TCF25: variants seen among roughly 807,000 people sequenced by gnomAD.
TCF25 encodes ribosome quality control complex subunit TCF25.
Under a neutral mutation model 83.1 loss-of-function variants are expected in TCF25, and 41 were observed. The ratio of observed to expected loss-of-function variants is 0.49; its 90% CI spans 0.38 to 0.64. TCF25 has a LOEUF of 0.64. Among genes scored for constraint, TCF25 ranks in the 30% least tolerant of loss-of-function variants. TCF25 has a pLI of 0.00. For synonymous variants in TCF25, 458 were observed against 365.0 expected, an observed-to-expected ratio of 1.25 and a Z score of -2.90; for missense variants, 979 against 914.5, an observed-to-expected ratio of 1.07 and a Z score of -0.91.
chr16:89,886,421 G>A (rs1330097236), intron 4 of TCF25, among the ~76,000 whole-genome samples: 1 of 141,734 alleles, frequency 7.1e-6, no homozygotes, highest in South Asian at 2.3e-4. Context: ...CTGCGAGACT[G>A]TGTCTCAAAA....
intron 2 of TCF25, chr16:89,883,822 G>GCCGACCGCACACGTGTGTC (rs1567700366): frequency 3.7e-6 from 1 of 269,640 alleles, no homozygotes; most frequent in Admixed American, 4.5e-5. Context: ...GCACGTGTGT[G>GCCGACCGCACACGTGTGTC]CCTCCTAGCC....
At chr16:89,903,318 C>T (rs1200641600) in intron 12 of TCF25, among the ~76,000 whole-genome samples, 1 of 152,262 alleles carries the variant, frequency 6.6e-6, no homozygotes, top group Non-Finnish European at 1.5e-5. Flanking sequence ...GGCTCTTCCA[C>T]TGGGCACAGG....
rs1232659646 is a variant in TCF25, at chr16:89,884,670, G to A, written c.429+14G>A. ...GGAGAAGCATCGGTACGTGAGTTGG[G>A]CCTGGCTGTGCTCTGTCCCTCTGCC... is the stretch of plus-strand genomic sequence containing the variant. On this transcript the variant is annotated intron_variant, in intron 3 of 17. Coordinates refer to ENST00000263346, the MANE Select transcript of TCF25 (RefSeq NM_014972.3). The A allele has an allele frequency of 1.9e-6, 3 of 1,609,358 alleles. No individual in the cohort carries two copies. The highest frequency in any genetic ancestry group is 1.1e-5 in the South Asian group (1 of 90,526).
At chr16:89,891,265 C>T (rs1048556558) in intron 5 of TCF25, among the ~76,000 whole-genome samples, 1 of 152,206 alleles carries the variant, frequency 6.6e-6, no homozygotes, top group African/African-American at 2.4e-5. Flanking sequence ...GGATTCTGTA[C>T]ATCTGGCCCA....
At chr16:89,904,869 GCT>G in intron 13 of TCF25, 67 bp from the exon 14 acceptor site, 2 of 1,546,154 alleles carry the variant, frequency 1.3e-6, no homozygotes, top group South Asian at 2.4e-5. Context: ...CATCCATGGG[GCT>G]CTGCCAGCCT....
intron 1 of TCF25, among the ~76,000 whole-genome samples, chr16:89,881,206 C>T (rs973718432): frequency 1.3e-5 from 2 of 152,170 alleles, no homozygotes; most frequent in Admixed American, 6.5e-5. Context: ...GCTTTCTTCT[C>T]TTCAGCAACC....
chr16:89,892,378 G>A, intron 6 of TCF25, 103 bp downstream of exon 6: 2 of 1,380,894 alleles, frequency 1.4e-6, no homozygotes, highest in Non-Finnish European at 2.0e-6. Flanking sequence ...AGGCTGCTGG[G>A]GGTGGAGGGC....
intron 9 of TCF25, among the ~76,000 whole-genome samples, chr16:89,898,124 A>G (rs953361522): frequency 6.6e-6 from 1 of 151,496 alleles, no homozygotes; most frequent in Non-Finnish European, 1.5e-5. Context: ...AAAAAAAAAG[A>G]TTTCAAAGAA....
intron 11 of TCF25, among the ~76,000 whole-genome samples, chr16:89,899,453 C>T (rs1311397053): frequency 6.6e-6 from 1 of 152,168 alleles, no homozygotes; most frequent in African/African-American, 2.4e-5. Flanking sequence ...TAAATTGGGC[C>T]GGGCATGGTG....
chr16:89,892,500 C>G lies in TCF25; in HGVS notation c.697+225C>G, dbSNP rs142093610. Among the ~76,000 whole-genome samples, 539 of 152,250 alleles carry G rather than the reference C, an allele frequency of 3.5e-3. 6 individuals are homozygous for G. Among genetic ancestry groups the G allele is most frequent in the African/African-American group, 0.012 (514 of 41,520 alleles). On this transcript the variant is annotated intron_variant, in intron 6 of 17. Transcript: ENST00000263346. ...CGCTCCAGGAGTGTGCAGTGTGTGA[C>G]TGTTTGTTGCCACACTGAGGGCCTG...
intron 12 of TCF25, 170 bp downstream of exon 12, chr16:89,900,964 T>C: frequency 1.3e-6 from 1 of 778,332 alleles, no homozygotes. Context: ...GAGGGTCGGC[T>C]CATCTCGGAA....
At chr16:89,904,071 T>C in intron 12 of TCF25, 47 bp from the exon 13 acceptor site, 2 of 1,567,994 alleles carry the variant, frequency 1.3e-6, no homozygotes, top group Non-Finnish European at 1.7e-6. Context: ...TAGGAGTGGC[T>C]GGGGTGTGTG....
chr16:89,910,491 C>T, intron 16 of TCF25, 100 bp from the exon 17 acceptor site: 1 of 1,258,842 alleles, frequency 7.9e-7, no homozygotes, highest in Non-Finnish European at 1.1e-6. Context: ...CCCTCCGTGT[C>T]CCTGCGAGGG....
chr16:89,911,080 G>A lies in TCF25; in HGVS notation c.1873G>A (p.Gly625Arg), dbSNP rs1313996352. Reference sequence around the variant, plus strand: ...TCTCAGACATGTCCCCTTGCTGCAGGGGGAGAGGCCCGAGGAAGGAGTGGC... The same window carrying A: ...TCTCAGACATGTCCCCTTGCTGCAGAGGGAGAGGCCCGAGGAAGGAGTGGC... ...RSLLPNYTME[G>R]ERPEEGVAGG... is the part of the protein sequence containing the mutation. Residue 625 changes from glycine to arginine, a missense_variant and splice_region_variant, in exon 18 of 18, where the codon GGG becomes AGG. By Grantham distance (125) the Gly-to-Arg change is moderately radical (BLOSUM62 -2). Transcript: ENST00000263346. 4 of 1,610,762 alleles carry A rather than the reference G, an allele frequency of 2.5e-6. No individual in the cohort carries two copies. Among genetic ancestry groups the A allele is most frequent in the Non-Finnish European group, 8.5e-7 (1 of 1,179,768 alleles).
intron 1 of TCF25, among the ~76,000 whole-genome samples, chr16:89,881,422 T>G (rs562605909): frequency 1.3e-5 from 2 of 152,296 alleles, no homozygotes; most frequent in South Asian, 2.1e-4. Flanking sequence ...CATAAAGAAT[T>G]GTTGATGCTG....
intron 5 of TCF25, chr16:89,889,433 T>C: frequency 4.1e-6 from 1 of 242,508 alleles, no homozygotes; most frequent in Non-Finnish European, 8.1e-6. Context: ...TCCCTCTACC[T>C]CCTAAAGTGC....
chr16:89,901,116 G>C, intron 12 of TCF25: 1 of 244,724 alleles, frequency 4.1e-6, no homozygotes, highest in Non-Finnish European at 8.1e-6. Context: ...GAGCAAAGCA[G>C]GGGAAGGTCT....
intron 16 of TCF25, among the ~76,000 whole-genome samples, chr16:89,907,760 C>G (rs111218413): frequency 9.4e-5 from 7 of 74,540 alleles, no homozygotes; most frequent in East Asian, 4.2e-4. Flanking sequence ...CCAGCTCCCG[C>G]CTCCCTCCTC....
At chr16:89,873,992 T>A (rs1597235475) in intron 1 of TCF25, 133 bp downstream of exon 1, 2 of 754,278 alleles carry the variant, frequency 2.7e-6, no homozygotes, top group East Asian at 6.8e-5. Context: ...CCAGCCGCAG[T>A]GGGGAGGGCG....
Sources: allele counts gnomAD v4.1 joint callset (sites outside exome capture counted in the v4.1 genomes callset), GRCh38; gene constraint gnomAD v4.1.1; transcripts MANE v1.5; gene names NCBI Gene and HGNC (gene_info 2026-07-23, HGNC 2026-07-21).